PLCH1: variants seen among roughly 807,000 people sequenced by gnomAD.
PLCH1 encodes 1-phosphatidylinositol 4,5-bisphosphate phosphodiesterase eta-1.
PLCH1 carries 60 observed loss-of-function variants against 126.7 expected under a neutral mutation model. That is an observed-to-expected ratio of 0.47 (90% CI 0.38 to 0.59). The LOEUF (loss-of-function observed/expected upper bound fraction) is 0.59. PLCH1 is among the 20% of genes least tolerant of loss of function. PLCH1 has a pLI of 0.00. For missense variants in PLCH1, 1,723 were observed against 2,040.0 expected, an observed-to-expected ratio of 0.84 and a Z score of 2.99; for synonymous variants, 719 against 734.9, an observed-to-expected ratio of 0.98 and a Z score of 0.35.
At chr3:155,556,475 G>C (rs1726839837) in intron 8 of PLCH1, among the ~76,000 whole-genome samples, 1 of 152,088 alleles carries the variant, frequency 6.6e-6, no homozygotes, top group Admixed American at 6.5e-5. Context: ...AGATATCTCT[G>C]TTTTTCTTTT....
At chr3:155,583,300 C>T (rs1217376812) in intron 6 of PLCH1, among the ~76,000 whole-genome samples, 172 bp downstream of exon 6, 1 of 152,016 alleles carries the variant, frequency 6.6e-6, no homozygotes, top group Non-Finnish European at 1.5e-5. Flanking sequence ...CACTTCCTGT[C>T]TTAAAAGCTG....
downstream of PLCH1, among the ~76,000 whole-genome samples, chr3:155,479,313 C>T (rs754209797): frequency 2.7e-4 from 41 of 152,124 alleles, no homozygotes; most frequent in Non-Finnish European, 4.9e-4. Flanking sequence ...GCCTTGGGCT[C>T]ACTAAGGGCA....
intron 1 of PLCH1, among the ~76,000 whole-genome samples, chr3:155,725,951 G>A (rs1367327645): frequency 6.6e-6 from 1 of 152,032 alleles, no homozygotes; most frequent in African/African-American, 2.4e-5. Flanking sequence ...CCATTAGCTA[G>A]GAAGTTATCC....
At chr3:155,485,788 A>G in intron 21 of PLCH1, 78 bp from the exon 22 acceptor site, 2 of 853,852 alleles carry the variant, frequency 2.3e-6, no homozygotes, top group Non-Finnish European at 3.6e-6. Context: ...TGACAGCTCC[A>G]TGAAAAATGA....
chr3:155,698,317 A>T (rs902482582), intron 2 of PLCH1, among the ~76,000 whole-genome samples: 3 of 152,220 alleles, frequency 2.0e-5, no homozygotes, highest in African/African-American at 7.2e-5. Context: ...TTCATTGAGA[A>T]TTTTTTGTAT....
chr3:155,571,245 T>G (rs1729186854), intron 6 of PLCH1, among the ~76,000 whole-genome samples: 1 of 152,218 alleles, frequency 6.6e-6, no homozygotes, highest in Admixed American at 6.5e-5. Flanking sequence ...AAAATTCTAA[T>G]ATTGCTAAAC....
chr3:155,704,016 T>C, intron 2 of PLCH1, 130 bp downstream of exon 2: 1 of 412,084 alleles, frequency 2.4e-6, no homozygotes. Flanking sequence ...TAATTATTCA[T>C]AAACAAGTTA....
At chr3:155,658,954 G>A (rs953370025) in intron 2 of PLCH1, among the ~76,000 whole-genome samples, 36 of 152,204 alleles carry the variant, frequency 2.4e-4, no homozygotes, top group African/African-American at 8.7e-4. Flanking sequence ...TTATCCAGCA[G>A]ACCATAGCAC....
Position 155,596,397 on chromosome 3 carries a change from T to C in PLCH1, c.80-19A>G. On this transcript the variant is annotated intron_variant, in intron 2 of 22. Transcript: ENST00000460012. ...CTTTCAACTGCAAAAGAAATTAGAGTGTATCCAGCTATCACACAATGCACA... is the reference window on the plus strand; with the variant it reads ...CTTTCAACTGCAAAAGAAATTAGAGCGTATCCAGCTATCACACAATGCACA... 1 of 1,606,004 alleles carries C rather than the reference T, an allele frequency of 6.2e-7. No individual in the cohort carries two copies. Among genetic ancestry groups the C allele is most frequent in the Non-Finnish European group, 8.5e-7 (1 of 1,175,098 alleles).
At chr3:155,469,416 G>A (rs1467627300) in intron 21 of PLCH1, among the ~76,000 whole-genome samples, 10 of 152,228 alleles carry the variant, frequency 6.6e-5, no homozygotes, top group African/African-American at 2.4e-4. Context: ...ACCTGGCTCG[G>A]AGGGTCCTAC....
chr3:155,639,976 C>T (rs545915479), intron 2 of PLCH1, among the ~76,000 whole-genome samples: 1 of 152,320 alleles, frequency 6.6e-6, no homozygotes, highest in African/African-American at 2.4e-5. Context: ...TCTTTGCCTT[C>T]TGTCGTGATT....
chr3:155,741,689 T>A (rs114107684), intron 1 of PLCH1, among the ~76,000 whole-genome samples: 18 of 117,386 alleles, frequency 1.5e-4, no homozygotes, highest in East Asian at 5.3e-4. Context: ...ATCCTCTTTT[T>A]TTTTTTTTTT....
At chr3:155,570,602 C>G (rs1306538115) in intron 6 of PLCH1, among the ~76,000 whole-genome samples, 1 of 152,110 alleles carries the variant, frequency 6.6e-6, no homozygotes, top group African/African-American at 2.4e-5. Flanking sequence ...ATAATTCTTA[C>G]AATAGTCTTG....
rs377058922 is a variant in PLCH1 at position 155,511,886 on chromosome 3, C to G, written c.1632+2837G>C. Among the ~76,000 whole-genome samples, 685 of 152,220 alleles carry G rather than the reference C, an allele frequency of 4.5e-3. 4 individuals carry two copies. Among genetic ancestry groups the G allele is most frequent in the African/African-American group, 0.015 (614 of 41,532 alleles). On this transcript the variant is annotated intron_variant, in intron 12 of 22. Coordinates refer to ENST00000460012, the MANE Select transcript of PLCH1 (RefSeq NM_014996.4). ...GAGTTGTGGTGGGCTCCACCCAGTTCGAGCTTCCAGGCTGCTTTGTTTACC... is the reference window on the plus strand; with the variant it reads ...GAGTTGTGGTGGGCTCCACCCAGTTGGAGCTTCCAGGCTGCTTTGTTTACC...
At position 155,488,769 on chromosome 3, in the gene PLCH1, T is replaced by C. The variant is rs1412269551; in HGVS notation, c.2430A>G (p.Thr810=). The change falls in exon 20 of 23, where the codon ACA becomes ACG. Residue 810 remains threonine (T), a synonymous_variant. Coordinates refer to ENST00000460012, the MANE Select transcript of PLCH1 (RefSeq NM_014996.4). ...NPVWEETLTF[T]VHMPEIALVR... is the part of the protein sequence containing the mutation. ...CCAAAGCTATTTCTGGCATGTGTAC[T>C]GTAAATGTCAGTGTTTCTTCCCACA... 2 of 1,613,722 alleles carry C rather than the reference T, an allele frequency of 1.2e-6. No individual in the cohort carries two copies. The highest frequency in any genetic ancestry group is 1.1e-5 in the South Asian group (1 of 90,990).
At chr3:155,740,680 A>G (rs1279361350) in intron 1 of PLCH1, among the ~76,000 whole-genome samples, 4 of 152,184 alleles carry the variant, frequency 2.6e-5, no homozygotes, top group Non-Finnish European at 5.9e-5. Context: ...GTGAGACCTC[A>G]TGTCTAAAAT....
rs757467511 is a variant in PLCH1, at chr3:155,488,651, C to T, written c.2539+9G>A. 3 of 1,606,694 alleles carry T rather than the reference C, an allele frequency of 1.9e-6. No individual in the cohort carries two copies. Among genetic ancestry groups the T allele is most frequent in the African/African-American group, 2.7e-5 (2 of 74,528 alleles). ...TCAGTCTAGAGAGAAAAGGCCAGCTCATACCTACCAGGCACTAAGCTGCTG... is the reference window on the plus strand; with the variant it reads ...TCAGTCTAGAGAGAAAAGGCCAGCTTATACCTACCAGGCACTAAGCTGCTG... On this transcript the variant is annotated intron_variant, in intron 20 of 22. Coordinates refer to ENST00000460012, the MANE Select transcript of PLCH1 (RefSeq NM_014996.4).
chr3:155,678,941 G>A (rs1374509818), intron 2 of PLCH1, among the ~76,000 whole-genome samples: 1 of 152,116 alleles, frequency 6.6e-6, no homozygotes, highest in Non-Finnish European at 1.5e-5. Flanking sequence ...AATCAGTGAA[G>A]GACTTTACAC....
At chr3:155,622,664 C>CAAAG (rs201534447) in intron 2 of PLCH1, among the ~76,000 whole-genome samples, 64,305 of 151,298 alleles carry the variant, frequency 0.43, 17,034 homozygotes, top group African/African-American at 0.72. Context: ...TCAAAAGAGA[C>CAAAG]AAGGGCATTA....
Sources: allele counts gnomAD v4.1 joint callset (sites outside exome capture counted in the v4.1 genomes callset), GRCh38; gene constraint gnomAD v4.1.1; transcripts MANE v1.5; gene names NCBI Gene and HGNC (gene_info 2026-07-23, HGNC 2026-07-21).